The following PHIP variants were observed in gnomAD, a reference collection of about 807,000 sequenced individuals.
The protein encoded by PHIP is PHIP subunit of CUL4-Ring ligase complex, also known as PH-interacting protein.
PHIP carries 54 observed loss-of-function variants against 236.8 expected under a neutral mutation model. That is an observed-to-expected ratio of 0.23 (90% CI 0.18 to 0.29). The LOEUF is 0.29. Ranked by LOEUF, PHIP falls within the 10% of genes least tolerant of loss-of-function variation. The probability of loss-of-function intolerance (pLI) is 1.00; values close to 1 mark genes in which losing one functional copy is unlikely to be tolerated. For missense variants in PHIP, 1,370 were observed against 2,190.8 expected, an observed-to-expected ratio of 0.63 and a Z score of 7.48; for synonymous variants, 756 against 718.9, an observed-to-expected ratio of 1.05 and a Z score of -0.83.
chr6:79,012,677 T>C (rs1169848143), intron 15 of PHIP, among the ~76,000 whole-genome samples: 4 of 151,714 alleles, frequency 2.6e-5, no homozygotes, highest in African/African-American at 7.2e-5. Context: ...ATAGCTATAA[T>C]TATAGCCAAA....
intron 4 of PHIP, among the ~76,000 whole-genome samples, chr6:79,070,486 C>T (rs1474216851): frequency 6.6e-6 from 1 of 152,208 alleles, no homozygotes; most frequent in Non-Finnish European, 1.5e-5. Flanking sequence ...AGTGTCTCTA[C>T]ACCCAAAAAC....
chr6:79,015,551 G>T, intron 14 of PHIP, 79 bp downstream of exon 14: 2 of 1,087,772 alleles, frequency 1.8e-6, no homozygotes, highest in Non-Finnish European at 2.7e-6. Flanking sequence ...TAACATAAAA[G>T]ACTTTATTCC....
At chr6:79,060,106 G>A (rs201009493) in intron 6 of PHIP, among the ~76,000 whole-genome samples, 192 of 145,030 alleles carry the variant, frequency 1.3e-3, no homozygotes, top group Non-Finnish European at 1.4e-3. Context: ...GCCAAAAAAA[G>A]AAAAAAAAAA....
At chr6:79,022,074 ACC>A (rs1771144947) in intron 9 of PHIP, among the ~76,000 whole-genome samples, 1 of 152,172 alleles carries the variant, frequency 6.6e-6, no homozygotes. Context: ...ACAAGTAGCT[ACC>A]CATAATTTGT....
intron 19 of PHIP, among the ~76,000 whole-genome samples, chr6:78,991,469 C>A: frequency 6.6e-6 from 1 of 152,000 alleles, no homozygotes; most frequent in South Asian, 2.1e-4. Context: ...CAGGTTTCAC[C>A]GACTGAAAAA....
chr6:78,963,306 G>A, intron 29 of PHIP, 54 bp from the exon 30 acceptor site: 3 of 1,411,612 alleles, frequency 2.1e-6, no homozygotes, highest in Non-Finnish European at 2.9e-6. Context: ...TAGTATTCAG[G>A]TTAGCTTTAG....
At chr6:79,040,275 T>C (rs1418815742) in intron 7 of PHIP, among the ~76,000 whole-genome samples, 1 of 152,100 alleles carries the variant, frequency 6.6e-6, no homozygotes, top group African/African-American at 2.4e-5. Flanking sequence ...CTAGTAGAAG[T>C]GGTAAAGCTG....
At chr6:78,957,863 T>C (rs540949078) in intron 32 of PHIP, 2 of 152,132 alleles carry the variant, frequency 1.3e-5, no homozygotes, top group African/African-American at 2.4e-5. Flanking sequence ...ATCACTCTTG[T>C]TATGGGATCA....
At chr6:79,041,981 C>T (rs558444740) in intron 7 of PHIP, among the ~76,000 whole-genome samples, 106 of 152,088 alleles carry the variant, frequency 7.0e-4, no homozygotes, top group African/African-American at 2.5e-3. Flanking sequence ...GTCATAACTA[C>T]GTAAAATTCA....
At position 78,941,085 on chromosome 6, in the gene PHIP, A is replaced by T; in HGVS notation, c.5074T>A (p.Cys1692Ser). 1 of 1,614,060 alleles carries T rather than the reference A, an allele frequency of 6.2e-7. No individual in the cohort carries two copies. The highest frequency in any genetic ancestry group is 8.5e-7 in the Non-Finnish European group (1 of 1,179,958). Reference sequence around the variant, plus strand: ...TTATTAGTTTCAGAAAGAAAATTGCATGTTGAAGAAGGAAGTACTTCATCT... The same window carrying T: ...TTATTAGTTTCAGAAAGAAAATTGCTTGTTGAAGAAGGAAGTACTTCATCT... ...IRDEVLPSST[C>S]NFLSETNNVK... Residue 1692 changes from cysteine (C) to serine (S), a missense_variant, in exon 40 of 40, where the codon TGC becomes AGC. Around this residue, in one of 14 missense-constraint regions of PHIP, gnomAD observed 309 missense variants for 328.3 expected, o/e 0.94. Coordinates refer to ENST00000275034, the MANE Select transcript of PHIP (RefSeq NM_017934.7).
intron 7 of PHIP, among the ~76,000 whole-genome samples, chr6:79,028,553 G>A (rs887599879): frequency 2.0e-5 from 3 of 152,106 alleles, no homozygotes; most frequent in Admixed American, 6.6e-5. Flanking sequence ...TACGCACATC[G>A]GAAACACATT....
chr6:78,974,279 G>A (rs917290429), intron 24 of PHIP, among the ~76,000 whole-genome samples: 4 of 151,890 alleles, frequency 2.6e-5, no homozygotes, highest in Non-Finnish European at 5.9e-5. Flanking sequence ...AATGACTACT[G>A]GGTACATAAT....
chr6:78,986,043 T>C (rs1156697912), intron 21 of PHIP, among the ~76,000 whole-genome samples: 1 of 152,178 alleles, frequency 6.6e-6, no homozygotes, highest in East Asian at 1.9e-4. Flanking sequence ...ATATTTACAT[T>C]TGAAATTAAT....
rs1773252641 is a variant in PHIP, at chr6:78,935,786, T to C, written c.*4907A>G. On this transcript the variant is annotated 3_prime_UTR_variant, in exon 40 of 40. Coordinates refer to ENST00000275034, the MANE Select transcript of PHIP (RefSeq NM_017934.7). ...CATATGACCACTTTGGTAAGCAGCT[T>C]GTTGAGATTATGTACTAAGTGCTTT... 1.0e-6 allele frequency: 1 copy of C among 979,902 alleles called. No homozygotes were observed. Among genetic ancestry groups the C allele is most frequent in the Non-Finnish European group, 1.2e-6 (1 of 824,922 alleles). 60.7% of individuals were successfully genotyped at this position (979,902 alleles called of 1,614,324 possible).
intron 15 of PHIP, among the ~76,000 whole-genome samples, chr6:79,009,200 T>C (rs894712673): frequency 6.6e-6 from 1 of 152,112 alleles, no homozygotes; most frequent in Admixed American, 6.6e-5. Flanking sequence ...ATGAGATCAT[T>C]TGAAGTCACT....
intron 7 of PHIP, among the ~76,000 whole-genome samples, chr6:79,035,039 C>G: frequency 6.6e-6 from 1 of 152,164 alleles, no homozygotes; most frequent in Non-Finnish European, 1.5e-5. Context: ...TTGCTGACAT[C>G]ATAGCCTGAC....
At chr6:79,036,752 T>A (rs1461046840) in intron 7 of PHIP, among the ~76,000 whole-genome samples, 1 of 151,668 alleles carries the variant, frequency 6.6e-6, no homozygotes, top group East Asian at 1.9e-4. Flanking sequence ...AAACCCTGTC[T>A]CTACTAAAAA....
Position 79,026,093 on chromosome 6 carries a change from A to G in PHIP, c.672T>C (p.His224=), listed in dbSNP as rs1199170883. The G allele has an allele frequency of 6.2e-7, 1 of 1,614,082 alleles. No homozygotes were observed. Among genetic ancestry groups the G allele is most frequent in the South Asian group, 1.1e-5 (1 of 91,078 alleles). ...CAGCCATGTCTGATATTTCAGCAGC[A>G]TGTCCTCTTAAGGTAGCTAACAACC... is the stretch of plus-strand genomic sequence containing the variant. ...DGRLLATLRG[H]AAEISDMAVN... The change falls in exon 8 of 40, where the codon CAT becomes CAC. Residue 224 remains histidine (H), a synonymous_variant. Coordinates refer to ENST00000275034, the MANE Select transcript of PHIP (RefSeq NM_017934.7).
At chr6:78,951,992 T>C (rs562874732) in intron 35 of PHIP, among the ~76,000 whole-genome samples, 141 of 152,364 alleles carry the variant, frequency 9.3e-4, no homozygotes, top group Non-Finnish European at 1.6e-3. Context: ...CTCCATTTTT[T>C]CTGTATGACT....
Sources: allele counts gnomAD v4.1 joint callset (sites outside exome capture counted in the v4.1 genomes callset), GRCh38; gene constraint gnomAD v4.1.1; regional missense constraint gnomAD v4.1.1; transcripts MANE v1.5; gene names NCBI Gene and HGNC (gene_info 2026-07-23, HGNC 2026-07-21).